The following ARHGAP40 variants were observed in gnomAD, a reference collection of about 807,000 sequenced individuals.
ARHGAP40 encodes the protein Rho GTPase activating protein 40, also known as rho GTPase-activating protein 40.
Under a neutral mutation model 73.5 loss-of-function variants are expected in ARHGAP40, and 43 were observed. The observed-to-expected ratio is 0.58, with a 90% confidence interval of 0.46 to 0.75. ARHGAP40 has a LOEUF of 0.75. Among genes scored for constraint, ARHGAP40 ranks in the 30% least tolerant of loss-of-function variants. The pLI, the probability that ARHGAP40 is intolerant of heterozygous loss-of-function variation, is 0.00. For missense variants in ARHGAP40, 734 were observed against 861.8 expected (o/e 0.85, Z 1.86); for synonymous variants, 300 against 352.8 (o/e 0.85, Z 1.68).
exon 8 of ARHGAP40, chr20:38,638,767 T>A: frequency 2.3e-6 from 3 of 1,305,406 alleles, no homozygotes; most frequent in Non-Finnish European, 3.0e-6. Context: ...ACAGCTGCTG[T>A]CCTGTTTGGA....
At position 38,638,359 on chromosome 20, in the gene ARHGAP40, T is replaced by C. The variant is rs532679580; in HGVS notation, c.1042-402T>C. 2.6e-5 allele frequency among the ~76,000 whole-genome samples: 4 copies of C among 152,076 alleles called. No homozygotes were observed. The South Asian group carries it at 6.2e-4, about 24-fold the overall frequency. On this transcript the variant is annotated intron_variant, in intron 7 of 14. Transcript: ENST00000373345. Reference sequence around the variant, plus strand: ...ATAAATAAGTAAATTTTTGTCTTAATTTTTTTTGTAGAGACAGGGTCTCAC... The same window carrying C: ...ATAAATAAGTAAATTTTTGTCTTAACTTTTTTTGTAGAGACAGGGTCTCAC...
intron 9 of ARHGAP40, among the ~76,000 whole-genome samples, chr20:38,640,224 T>A (rs1172546077): frequency 6.6e-6 from 1 of 150,688 alleles, no homozygotes; most frequent in Non-Finnish European, 1.5e-5. Flanking sequence ...CTTTCTTTTT[T>A]TTTTTTTTTA....
intron 8 of ARHGAP40, 85 bp from the exon 9 acceptor site, chr20:38,639,142 A>C (rs1330306055): frequency 8.0e-7 from 1 of 1,257,610 alleles, no homozygotes; most frequent in Non-Finnish European, 1.0e-6. Flanking sequence ...TTTGCAGATG[A>C]GGAAACCAAG....
chr20:38,614,012 AT>A (rs1314534517), intron 1 of ARHGAP40, among the ~76,000 whole-genome samples: 2 of 152,088 alleles, frequency 1.3e-5, no homozygotes, highest in Non-Finnish European at 1.5e-5. Flanking sequence ...TAAAGGTAAG[AT>A]TTACCTTTTA....
intron 13 of ARHGAP40, 106 bp downstream of exon 13, chr20:38,647,232 G>A: frequency 1.9e-6 from 2 of 1,057,202 alleles, no homozygotes; most frequent in Non-Finnish European, 2.5e-6. Context: ...GCCTGACCTG[G>A]CCTTCCCTTT....
intron 5 of ARHGAP40, among the ~76,000 whole-genome samples, chr20:38,630,076 CTTTCTT>C (rs1471281964): frequency 3.6e-5 from 3 of 83,312 alleles, no homozygotes; most frequent in African/African-American, 1.0e-4. Context: ...TTCTTTCTTT[CTTTCTT>C]TTTCTTTCTT....
intron 1 of ARHGAP40, among the ~76,000 whole-genome samples, chr20:38,606,136 C>T (rs1346191043): frequency 6.6e-6 from 1 of 152,186 alleles, no homozygotes; most frequent in Non-Finnish European, 1.5e-5. Context: ...GGTGGGACTA[C>T]AGGCATGTGC....
intron 13 of ARHGAP40, among the ~76,000 whole-genome samples, chr20:38,648,413 G>A (rs1009739663): frequency 6.6e-6 from 1 of 152,200 alleles, no homozygotes; most frequent in Non-Finnish European, 1.5e-5. Context: ...TGCACCCCTG[G>A]CTGAGCCTCA....
intron 1 of ARHGAP40, among the ~76,000 whole-genome samples, chr20:38,611,580 G>A (rs1261459136): frequency 6.6e-6 from 1 of 151,662 alleles, no homozygotes; most frequent in Non-Finnish European, 1.5e-5. Context: ...ACCACACTTG[G>A]CTAATTTTTT....
intron 1 of ARHGAP40, among the ~76,000 whole-genome samples, chr20:38,611,922 C>T (rs1406288512): frequency 6.7e-6 from 1 of 149,252 alleles, no homozygotes; most frequent in Non-Finnish European, 1.5e-5. Context: ...TAGGGTCTTG[C>T]TGTGTTGCCC....
At chr20:38,637,852 C>T (rs2088986736) in intron 7 of ARHGAP40, 53 bp downstream of exon 7, 1 of 1,254,976 alleles carries the variant, frequency 8.0e-7, no homozygotes, top group Admixed American at 2.5e-5. Context: ...GAGGCTGGCT[C>T]AGGGGACCAT....
chr20:38,641,993 G>A (rs926699425), intron 10 of ARHGAP40, among the ~76,000 whole-genome samples, 185 bp downstream of exon 10: 3 of 152,166 alleles, frequency 2.0e-5, no homozygotes, highest in African/African-American at 4.8e-5. Context: ...TCCTGAAAGG[G>A]GATAGTCCCG....
chr20:38,641,226 G>C (rs893606316), intron 9 of ARHGAP40, among the ~76,000 whole-genome samples: 13 of 152,144 alleles, frequency 8.5e-5, no homozygotes, highest in African/African-American at 3.1e-4. Flanking sequence ...GGTCTTGTCT[G>C]GCTCTGATGA....
chr20:38,633,559 C>T (rs551231086), intron 5 of ARHGAP40, among the ~76,000 whole-genome samples: 3 of 152,310 alleles, frequency 2.0e-5, no homozygotes, highest in Middle Eastern at 6.8e-3. Flanking sequence ...AAATTATTTG[C>T]GTGCACTCAC....
intron 9 of ARHGAP40, among the ~76,000 whole-genome samples, chr20:38,640,219 T>C (rs1490935272): frequency 2.3e-5 from 3 of 129,076 alleles, no homozygotes; most frequent in Non-Finnish European, 4.7e-5. Context: ...TCTTTCTTTC[T>C]TTTTTTTTTT....
intron 1 of ARHGAP40, chr20:38,614,864 C>A: frequency 9.2e-7 from 1 of 1,082,232 alleles, no homozygotes; most frequent in Non-Finnish European, 1.4e-6. Flanking sequence ...TACCTCATCA[C>A]GTCCTGAGCG....
intron 1 of ARHGAP40, among the ~76,000 whole-genome samples, chr20:38,614,380 T>C (rs939112953): frequency 6.6e-6 from 1 of 151,966 alleles, no homozygotes; most frequent in African/African-American, 2.4e-5. Flanking sequence ...TTGAGTTGGG[T>C]CCATTTTTAT....
rs1459259388 is a variant in ARHGAP40 at position 38,639,271 on chromosome 20, T to C, written c.1164T>C (p.Phe388=). 3 of 1,305,352 alleles carry C rather than the reference T, an allele frequency of 2.3e-6. No individual in the cohort carries two copies. The African/African-American group carries it at 4.6e-5, about 20-fold the overall frequency. The allele number at this position is 1,305,352 out of a possible 1,614,324, so 80.9% of individuals were successfully genotyped here. The stretch of plus-strand genomic sequence containing the variant: ...AGAGAGACTTCTATGCTGGCCTTTT[T>C]AGCTGGGACGAGGTTCATCACAATG... The change falls in exon 9 of 15, where the codon TTT becomes TTC. Residue 388 remains phenylalanine, a synonymous_variant. Transcript: ENST00000373345.
intron 3 of ARHGAP40, 137 bp downstream of exon 3, chr20:38,627,352 A>ATGTGTGTTGGTGTG: frequency 1.5e-6 from 1 of 650,436 alleles, no homozygotes; most frequent in Non-Finnish European, 2.3e-6. Flanking sequence ...GGGTGTTGGT[A>ATGTGTGTTGGTGTG]TGTGTGTTGG....
Sources: allele counts gnomAD v4.1 joint callset (sites outside exome capture counted in the v4.1 genomes callset), GRCh38; gene constraint gnomAD v4.1.1; transcripts MANE v1.5; gene names NCBI Gene and HGNC (gene_info 2026-07-23, HGNC 2026-07-21).